The following RPS6KC1 variants were observed in gnomAD, a reference collection of about 807,000 sequenced individuals.
RPS6KC1 encodes the protein ribosomal protein S6 kinase C1.
A neutral mutation model predicts 103.8 loss-of-function variants in RPS6KC1; 54 were observed. The observed-to-expected ratio is 0.52, with a 90% confidence interval of 0.42 to 0.65. The LOEUF (loss-of-function observed/expected upper bound fraction) is 0.65. Among genes scored for constraint, RPS6KC1 ranks in the 30% least tolerant of loss-of-function variants. The probability of loss-of-function intolerance (pLI) is 0.00; values close to 1 mark genes in which losing one functional copy is unlikely to be tolerated. For synonymous variants in RPS6KC1, 439 were observed against 438.7 expected (o/e 1.00, Z -0.01); for missense variants, 1,151 against 1,253.8 (o/e 0.92, Z 1.24).
At chr1:213,216,227 C>T (rs945506418) in intron 8 of RPS6KC1, among the ~76,000 whole-genome samples, 3 of 152,122 alleles carry the variant, frequency 2.0e-5, no homozygotes, top group Non-Finnish European at 4.4e-5. Context: ...GTGTTGCAAT[C>T]CTAGTCTCTG....
the RPS6KC1 span, among the ~76,000 whole-genome samples, chr1:213,831,829 C>A: frequency 1.3e-5 from 2 of 152,134 alleles, no homozygotes; most frequent in Non-Finnish European, 2.9e-5. Context: ...AAAAAGTTGA[C>A]AAAGTGCAGC....
the RPS6KC1 span, among the ~76,000 whole-genome samples, chr1:213,411,402 G>A: frequency 6.6e-6 from 1 of 152,212 alleles, no homozygotes. Flanking sequence ...AGGCCATCGG[G>A]CTTTTGCTCA....
intron 8 of RPS6KC1, among the ~76,000 whole-genome samples, chr1:213,204,371 T>A (rs1202919955): frequency 6.6e-6 from 1 of 152,234 alleles, no homozygotes; most frequent in African/African-American, 2.4e-5. Flanking sequence ...ATGGTTTGCC[T>A]TTGATGCTAT....
chr1:213,703,013 G>C, the RPS6KC1 span, among the ~76,000 whole-genome samples: 1 of 151,830 alleles, frequency 6.6e-6, no homozygotes, highest in East Asian at 1.9e-4. Context: ...TCTTCCTTCT[G>C]TCTTTCCTGC....
At chr1:213,654,456 A>T in the RPS6KC1 span, among the ~76,000 whole-genome samples, 1 of 152,204 alleles carries the variant, frequency 6.6e-6, no homozygotes, top group Non-Finnish European at 1.5e-5. Flanking sequence ...ACCTTTCACT[A>T]AAATGAAACA....
chr1:213,619,528 T>C, the RPS6KC1 span, among the ~76,000 whole-genome samples: 1 of 152,178 alleles, frequency 6.6e-6, no homozygotes, highest in African/African-American at 2.4e-5. Flanking sequence ...AAAATAAATG[T>C]GGGTTTTTAG....
chr1:213,282,830 T>A, the RPS6KC1 span, among the ~76,000 whole-genome samples: 1 of 152,272 alleles, frequency 6.6e-6, no homozygotes, highest in Non-Finnish European at 1.5e-5. Flanking sequence ...ACAGGGTTTC[T>A]GCCTTCGAGG....
At chr1:213,443,056 C>T in the RPS6KC1 span, among the ~76,000 whole-genome samples, 2 of 151,538 alleles carry the variant, frequency 1.3e-5, no homozygotes, top group African/African-American at 4.9e-5. Context: ...GAACTGTTGG[C>T]GGCGATGTTT....
At chr1:213,219,624 A>G (rs970651788) in intron 8 of RPS6KC1, among the ~76,000 whole-genome samples, 2 of 152,156 alleles carry the variant, frequency 1.3e-5, no homozygotes, top group Admixed American at 1.3e-4. Flanking sequence ...GTCCAACAAC[A>G]ATAGACTGGA....
At chr1:213,756,017 C>T in the RPS6KC1 span, among the ~76,000 whole-genome samples, 6 of 152,188 alleles carry the variant, frequency 3.9e-5, no homozygotes, top group Non-Finnish European at 8.8e-5. Context: ...CAATCACCAC[C>T]GCTGGGCTTA....
the RPS6KC1 span, among the ~76,000 whole-genome samples, chr1:213,352,444 G>T: frequency 1.3e-5 from 2 of 152,112 alleles, no homozygotes; most frequent in Non-Finnish European, 2.9e-5. Context: ...TTTGTGTCTC[G>T]TGGGAGGGGG....
the RPS6KC1 span, among the ~76,000 whole-genome samples, chr1:213,469,701 A>T: frequency 3.2e-5 from 2 of 62,184 alleles, no homozygotes; most frequent in Non-Finnish European, 8.0e-5. Flanking sequence ...GTCTCTGAAG[A>T]CAAACAAACT....
the RPS6KC1 span, among the ~76,000 whole-genome samples, chr1:213,333,008 T>C: frequency 6.6e-6 from 1 of 152,206 alleles, no homozygotes; most frequent in Non-Finnish European, 1.5e-5. Context: ...AGGTCTCTTC[T>C]TGTTTGTGAA....
At chr1:213,563,554 A>T in the RPS6KC1 span, among the ~76,000 whole-genome samples, 1 of 152,064 alleles carries the variant, frequency 6.6e-6, no homozygotes. Context: ...TTTGGAGTTG[A>T]TCAAACTTTA....
At chr1:213,147,590 T>A (rs2147847318) in intron 6 of RPS6KC1, among the ~76,000 whole-genome samples, 1 of 152,356 alleles carries the variant, frequency 6.6e-6, no homozygotes. Context: ...GCTGTTTTGG[T>A]TACAATGGCT....
intron 8 of RPS6KC1, among the ~76,000 whole-genome samples, chr1:213,203,508 G>A (rs2093238611): frequency 6.6e-6 from 1 of 151,876 alleles, no homozygotes; most frequent in Admixed American, 6.6e-5. Context: ...TTTATGAAAT[G>A]CCTGTTTTAA....
At chr1:213,076,344 A>G (rs1008214573) in intron 2 of RPS6KC1, among the ~76,000 whole-genome samples, 9 of 152,240 alleles carry the variant, frequency 5.9e-5, no homozygotes, top group African/African-American at 1.9e-4. Flanking sequence ...GAAGAGTTTT[A>G]TACATACAGA....
At chr1:213,113,699 C>A (rs574675071) in intron 4 of RPS6KC1, among the ~76,000 whole-genome samples, 2 of 151,470 alleles carry the variant, frequency 1.3e-5, no homozygotes, top group African/African-American at 4.9e-5. Context: ...TTAGGTCTAA[C>A]GTTTAAGTCT....
At chr1:213,502,030 C>T in the RPS6KC1 span, among the ~76,000 whole-genome samples, 1 of 152,154 alleles carries the variant, frequency 6.6e-6, no homozygotes, top group Non-Finnish European at 1.5e-5. Flanking sequence ...TGCTGTACCT[C>T]TAGGCTCATC....
Sources: gnomAD v4.1 joint callset for allele counts (sites outside exome capture counted in the v4.1 genomes callset) on GRCh38, gnomAD v4.1.1 for gene constraint, MANE v1.5 for transcripts, NCBI Gene and HGNC (gene_info 2026-07-23, HGNC 2026-07-21) for gene names.